Variants in NDUFA10 observed in about 807,000 individuals in gnomAD.
NDUFA10 encodes NADH dehydrogenase [ubiquinone] 1 alpha subcomplex subunit 10, mitochondrial.
A neutral mutation model predicts 47.8 loss-of-function variants in NDUFA10; 40 were observed. The ratio of observed to expected loss-of-function variants is 0.84; its 90% CI spans 0.65 to 1.09. The LOEUF (loss-of-function observed/expected upper bound fraction) is 1.09, where lower values mean the gene tolerates loss of function less well. NDUFA10 is among the 50% of genes least tolerant of loss of function. NDUFA10 has a pLI of 0.00. For missense variants in NDUFA10, 413 were observed against 451.1 expected, an observed-to-expected ratio of 0.92 and a Z score of 0.76; for synonymous variants, 183 against 172.2, an observed-to-expected ratio of 1.06 and a Z score of -0.49.
intron 4 of NDUFA10, among the ~76,000 whole-genome samples, chr2:239,908,331 G>T (rs930927670): frequency 3.3e-5 from 5 of 152,152 alleles, no homozygotes; most frequent in Admixed American, 6.5e-5. Flanking sequence ...CACCAGCATG[G>T]CACATGTATA....
intron 9 of NDUFA10, among the ~76,000 whole-genome samples, chr2:239,975,472 C>T (rs1287717822): frequency 6.6e-6 from 1 of 152,270 alleles, no homozygotes; most frequent in African/African-American, 2.4e-5. Flanking sequence ...CGCCCGGCCA[C>T]ACTTGCCCAA....
rs1049836972 is a variant in NDUFA10, at chr2:239,990,322, C to G, written c.891-140G>C. On this transcript the variant is annotated intron_variant, in intron 8 of 9. Transcript: ENST00000252711. ...ATGCTATTCGTTGCCAAGCAATCAT[C>G]CCAGCAGCAAAGCCTTCCTCCCAAA... The G allele has an allele frequency of 4.2e-6, 3 of 722,192 alleles. No homozygotes were observed. The African/African-American group carries it at 5.3e-5, about 13-fold the overall frequency. 44.7% of individuals were successfully genotyped at this position (722,192 alleles called of 1,614,324 possible).
chr2:239,993,451 A>G (rs1365784140), intron 8 of NDUFA10, among the ~76,000 whole-genome samples: 1 of 152,228 alleles, frequency 6.6e-6, no homozygotes, highest in Admixed American at 6.5e-5. Flanking sequence ...CTAGGTAACT[A>G]CTGGGCAGGT....
At chr2:239,915,129 C>T (rs1445569250) in intron 4 of NDUFA10, among the ~76,000 whole-genome samples, 9 of 134,452 alleles carry the variant, frequency 6.7e-5, no homozygotes, top group Non-Finnish European at 9.2e-5. Flanking sequence ...CACACACATA[C>T]ACAGACACAC....
chr2:239,915,941 CAG>C (rs1458700349), intron 4 of NDUFA10, among the ~76,000 whole-genome samples: 1 of 145,144 alleles, frequency 6.9e-6, no homozygotes, highest in African/African-American at 2.6e-5. Context: ...CAGACAGACA[CAG>C]AGAGACACAC....
At position 240,018,186 on chromosome 2, in the gene NDUFA10, C is replaced by T. The variant is rs887967367; in HGVS notation, c.547+367G>A. Among the ~76,000 whole-genome samples, 6 of 152,204 alleles carry T rather than the reference C, an allele frequency of 3.9e-5. No individual in the cohort carries two copies. In the South Asian group the frequency reaches 1.2e-3, roughly 31 times the overall value. ...AACATCCCAATTCATCAAAATCACA[C>T]ACTAGAAACTGGAAAGTCTGTTACA... On this transcript the variant is annotated intron_variant, in intron 4 of 9. Transcript: ENST00000252711.
chr2:239,965,459 A>G (rs1380976009), intron 9 of NDUFA10, among the ~76,000 whole-genome samples: 1 of 152,202 alleles, frequency 6.6e-6, no homozygotes, highest in East Asian at 1.9e-4. Flanking sequence ...GAAAACGCGC[A>G]TGATAACGCC....
In NDUFA10 at chr2:239,959,147, T is replaced by C. The variant is rs941946977; in HGVS notation, c.*1971A>G. 5.1e-6 allele frequency: 5 copies of C among 985,280 alleles called. No homozygotes were observed. The African/African-American group carries it at 7.0e-5, about 14-fold the overall frequency. 61.0% of individuals were successfully genotyped at this position (985,280 alleles called of 1,614,324 possible). A position where few individuals can be genotyped will look rare whatever the true frequency, so the allele number is the denominator to read the frequency against. On this transcript the variant is annotated 3_prime_UTR_variant, in exon 10 of 10. Coordinates refer to ENST00000252711, the MANE Select transcript of NDUFA10 (RefSeq NM_004544.4). ...AGACGAATGTCCTCAGCACTACAAA[T>C]TACATACTTCCCACTCCATCAAGGG...
downstream of NDUFA10, among the ~76,000 whole-genome samples, chr2:239,953,394 A>G (rs1694593437): frequency 1.3e-5 from 2 of 152,244 alleles, no homozygotes; most frequent in South Asian, 4.1e-4. Flanking sequence ...TTAGGATAAT[A>G]GATCTGTGCT....
In NDUFA10 at chr2:239,959,587, C is replaced by A. The variant is rs1694762890; in HGVS notation, c.*1531G>T. On this transcript the variant is annotated 3_prime_UTR_variant, in exon 10 of 10. Coordinates refer to ENST00000252711, the MANE Select transcript of NDUFA10 (RefSeq NM_004544.4). ...TAAATCTCGACTCCAATTCAAAACTCCTGGGAAACTTTATTTTCAAATTCT... is the reference window on the plus strand; with the variant it reads ...TAAATCTCGACTCCAATTCAAAACTACTGGGAAACTTTATTTTCAAATTCT... The A allele has an allele frequency of 1.0e-6, 1 of 985,562 alleles. No homozygotes were observed. Among genetic ancestry groups the A allele is most frequent in the East Asian group, 1.1e-4 (1 of 8,812 alleles). 61.1% of individuals were successfully genotyped at this position (985,562 alleles called of 1,614,324 possible).
chr2:239,937,905 C>T (rs1334208990), intron 4 of NDUFA10, among the ~76,000 whole-genome samples: 1 of 152,216 alleles, frequency 6.6e-6, no homozygotes, highest in African/African-American at 2.4e-5. Flanking sequence ...ACACACCTCA[C>T]AGCTGATCAT....
At chr2:239,912,954 G>C (rs764474003) in intron 4 of NDUFA10, among the ~76,000 whole-genome samples, 3 of 152,204 alleles carry the variant, frequency 2.0e-5, no homozygotes, top group Non-Finnish European at 2.9e-5. Flanking sequence ...CCAGCTGCCC[G>C]AGTCAACATG....
intron 4 of NDUFA10, among the ~76,000 whole-genome samples, chr2:239,922,682 A>G (rs1025947155): frequency 2.0e-5 from 3 of 152,226 alleles, no homozygotes; most frequent in African/African-American, 4.8e-5. Context: ...CTGTACCAAC[A>G]TGATATGACA....
At chr2:239,998,580 T>TG (rs1247269381) in intron 8 of NDUFA10, among the ~76,000 whole-genome samples, 22 of 152,182 alleles carry the variant, frequency 1.4e-4, no homozygotes, top group African/African-American at 5.3e-4. Context: ...CTAATGAGGC[T>TG]GGGCAGCAAA....
At chr2:239,979,761 T>A (rs1384674417) in intron 9 of NDUFA10, among the ~76,000 whole-genome samples, 1 of 151,986 alleles carries the variant, frequency 6.6e-6, no homozygotes, top group Non-Finnish European at 1.5e-5. Flanking sequence ...ATGATGCCAC[T>A]CTCTGGCGCA....
chr2:240,020,371 C>A (rs149120890), intron 3 of NDUFA10, among the ~76,000 whole-genome samples: 102 of 152,328 alleles, frequency 6.7e-4, no homozygotes, highest in African/African-American at 2.4e-3. Flanking sequence ...CACAGATGTG[C>A]CATTTGCTGC....
chr2:239,937,441 C>G (rs1161312918), intron 4 of NDUFA10, among the ~76,000 whole-genome samples: 3 of 152,174 alleles, frequency 2.0e-5, no homozygotes, highest in Non-Finnish European at 4.4e-5. Flanking sequence ...CAGTTCTGGA[C>G]ATGTCAAGTA....
intron 4 of NDUFA10, among the ~76,000 whole-genome samples, chr2:239,910,414 A>G (rs1693730021): frequency 6.6e-6 from 1 of 152,232 alleles, no homozygotes; most frequent in African/African-American, 2.4e-5. Context: ...TGTCCTTTGC[A>G]GGGACATGGG....
chr2:239,974,117 C>T (rs1055783901), intron 9 of NDUFA10, among the ~76,000 whole-genome samples: 6 of 152,120 alleles, frequency 3.9e-5, no homozygotes, highest in Non-Finnish European at 8.8e-5. Context: ...TAGGAAGAGA[C>T]AGGGTTTCTC....
Sources: allele counts gnomAD v4.1 joint callset (sites outside exome capture counted in the v4.1 genomes callset), GRCh38; gene constraint gnomAD v4.1.1; transcripts MANE v1.5; gene names NCBI Gene and HGNC (gene_info 2026-07-23, HGNC 2026-07-21).